Variants in CNOT6L observed in about 807,000 individuals in gnomAD.
CNOT6L encodes the protein CCR4-NOT transcription complex subunit 6 like, also known as CCR4-NOT transcription complex subunit 6-like.
A neutral mutation model predicts 64.0 loss-of-function variants in CNOT6L; 7 were observed. That is an observed-to-expected ratio of 0.11 (90% CI 0.06 to 0.21). The LOEUF is 0.21. Among genes scored for constraint, CNOT6L ranks in the 10% least tolerant of loss-of-function variants. The pLI is 1.00. For missense variants in CNOT6L, 245 were observed against 669.0 expected (o/e 0.37, Z 6.99); for synonymous variants, 193 against 243.4 (o/e 0.79, Z 1.93).
chr4:77,742,387 T>C, intron 7 of CNOT6L, 92 bp from the exon 8 acceptor site: 1 of 1,164,444 alleles, frequency 8.6e-7, no homozygotes, highest in Non-Finnish European at 1.2e-6. Context: ...AGATGTAACT[T>C]AGTAAAAATA....
chr4:77,798,903 T>C (rs758382551), intron 1 of CNOT6L, among the ~76,000 whole-genome samples: 2 of 151,546 alleles, frequency 1.3e-5, no homozygotes, highest in African/African-American at 2.4e-5. Context: ...TGCTTGAGCC[T>C]GGGAGGTCAA....
chr4:77,782,422 T>C (rs1161160079), intron 1 of CNOT6L, among the ~76,000 whole-genome samples: 4 of 152,124 alleles, frequency 2.6e-5, no homozygotes, highest in Non-Finnish European at 5.9e-5. Context: ...AAGCTTGAAA[T>C]CCTAGGATGA....
intron 1 of CNOT6L, among the ~76,000 whole-genome samples, chr4:77,808,050 T>C (rs919785685): frequency 6.6e-6 from 1 of 151,932 alleles, no homozygotes; most frequent in African/African-American, 2.4e-5. Context: ...GAAAAAAGAA[T>C]TACAACAAAA....
At chr4:77,819,233 C>T (rs1342249047) in intron 1 of CNOT6L, 71 bp downstream of exon 1, 1 of 1,612,882 alleles carries the variant, frequency 6.2e-7, no homozygotes. Context: ...CCTCTCCCAC[C>T]TCATTTCCCC....
chr4:77,762,731 G>A (rs1398714010), intron 4 of CNOT6L, among the ~76,000 whole-genome samples: 3 of 152,086 alleles, frequency 2.0e-5, no homozygotes, highest in African/African-American at 7.2e-5. Context: ...AGACTCAAAA[G>A]GTGACATACT....
rs1721026540 is a variant in CNOT6L, at chr4:77,718,976, G to GAGAC, written c.*1451_*1454dup. ...TTGTTTATTAAAAATATCACATTTT[G>GAGAC]AGACTAGAAACAGTAAAGTGCATGA... On this transcript the variant is annotated 3_prime_UTR_variant, in exon 12 of 12. Transcript: ENST00000504123. 6.6e-6 allele frequency: 1 copy of GAGAC among 152,288 alleles called. No homozygotes were observed. Among genetic ancestry groups the GAGAC allele is most frequent in the Non-Finnish European group, 1.5e-5 (1 of 67,968 alleles). The allele number at this position is 152,288 out of a possible 1,614,324, so 9.4% of individuals were successfully genotyped here.
intron 7 of CNOT6L, among the ~76,000 whole-genome samples, chr4:77,744,375 C>T (rs1478023856): frequency 6.6e-6 from 1 of 150,914 alleles, no homozygotes; most frequent in African/African-American, 2.4e-5. Flanking sequence ...GACTCCAATA[C>T]AAGGTAAATT....
intron 1 of CNOT6L, among the ~76,000 whole-genome samples, chr4:77,816,819 T>C (rs957104628): frequency 6.6e-6 from 1 of 152,100 alleles, no homozygotes; most frequent in East Asian, 1.9e-4. Context: ...AAGAAAACAA[T>C]CTTTATGTTA....
intron 1 of CNOT6L, among the ~76,000 whole-genome samples, chr4:77,781,469 A>G (rs1728848734): frequency 6.6e-6 from 1 of 152,200 alleles, no homozygotes; most frequent in Non-Finnish European, 1.5e-5. Context: ...GAAAAATTTA[A>G]ATTTAGAGTT....
chr4:77,721,884 C>G (rs150489270), intron 11 of CNOT6L, among the ~76,000 whole-genome samples: 189 of 152,042 alleles, frequency 1.2e-3, no homozygotes, highest in African/African-American at 4.4e-3. Context: ...AGGCAGGAGG[C>G]TCACTTGAGG....
At chr4:77,807,572 G>T (rs940762616) in intron 1 of CNOT6L, among the ~76,000 whole-genome samples, 2 of 152,160 alleles carry the variant, frequency 1.3e-5, no homozygotes, top group Non-Finnish European at 2.9e-5. Flanking sequence ...GATTATTAAA[G>T]AAATCAATGA....
At chr4:77,798,220 C>T (rs1316082580) in intron 1 of CNOT6L, among the ~76,000 whole-genome samples, 1 of 152,146 alleles carries the variant, frequency 6.6e-6, no homozygotes, top group Non-Finnish European at 1.5e-5. Flanking sequence ...GAGGCTGAGG[C>T]AGGAGGACTG....
intron 4 of CNOT6L, among the ~76,000 whole-genome samples, chr4:77,757,648 G>A (rs1725717000): frequency 2.0e-5 from 3 of 152,254 alleles, no homozygotes; most frequent in South Asian, 2.1e-4. Flanking sequence ...AAAATTGAAG[G>A]TTCTGTTAAA....
chr4:77,797,106 A>AG, intron 1 of CNOT6L, among the ~76,000 whole-genome samples: 1 of 149,630 alleles, frequency 6.7e-6, no homozygotes, highest in South Asian at 2.1e-4. Context: ...TTGTCTCAAA[A>AG]AAAAAAAAAA....
chr4:77,799,428 G>T (rs1187396151), intron 1 of CNOT6L, among the ~76,000 whole-genome samples: 1 of 151,944 alleles, frequency 6.6e-6, no homozygotes, highest in Non-Finnish European at 1.5e-5. Context: ...GTTCAGGATG[G>T]GTGTGGTGGT....
chr4:77,768,429 C>T (rs977628140), intron 4 of CNOT6L, among the ~76,000 whole-genome samples: 33 of 148,476 alleles, frequency 2.2e-4, no homozygotes, highest in African/African-American at 8.2e-4. Flanking sequence ...CGCGCCACTG[C>T]ACTCCAGCCT....
intron 1 of CNOT6L, among the ~76,000 whole-genome samples, chr4:77,802,167 C>T (rs1327074021): frequency 6.6e-6 from 1 of 152,066 alleles, no homozygotes; most frequent in African/African-American, 2.4e-5. Flanking sequence ...GTTACAAATA[C>T]AGTAATTTGT....
chr4:77,792,218 T>TA (rs1730234852), intron 1 of CNOT6L, among the ~76,000 whole-genome samples: 2 of 152,004 alleles, frequency 1.3e-5, no homozygotes, highest in African/African-American at 4.8e-5. Context: ...CAATGACATA[T>TA]AAAAAAGTAT....
In CNOT6L at chr4:77,721,510, C is replaced by G. The variant is rs190038863; in HGVS notation, c.1456-867G>C. 3.7e-3 allele frequency among the ~76,000 whole-genome samples: 557 copies of G among 152,290 alleles called. 3 individuals carry two copies. Among genetic ancestry groups the G allele is most frequent in the Middle Eastern group, 6.8e-3 (2 of 294 alleles). On this transcript the variant is annotated intron_variant, in intron 11 of 11. Coordinates refer to ENST00000504123, the MANE Select transcript of CNOT6L (RefSeq NM_144571.3). ...TAAAAACCTATTTACAAATACTATA[C>G]ATGAGTTCCAGCCAATACTTTAAAT...
Sources: gnomAD v4.1 joint callset for allele counts (sites outside exome capture counted in the v4.1 genomes callset) on GRCh38, gnomAD v4.1.1 for gene constraint, MANE v1.5 for transcripts, NCBI Gene and HGNC (gene_info 2026-07-23, HGNC 2026-07-21) for gene names.